Variants in SYT2 observed in about 807,000 individuals in gnomAD.
SYT2 encodes the protein synaptotagmin 2, also known as synaptotagmin-2.
SYT2 carries 15 observed loss-of-function variants against 39.9 expected under a neutral mutation model. The ratio of observed to expected loss-of-function variants is 0.38; its 90% CI spans 0.25 to 0.58. The LOEUF (loss-of-function observed/expected upper bound fraction) is 0.58, where lower values mean the gene tolerates loss of function less well. SYT2 is among the 20% of genes least tolerant of loss of function. The pLI, the probability that SYT2 is intolerant of heterozygous loss-of-function variation, is 0.70. For missense variants in SYT2, 389 were observed against 530.3 expected (o/e 0.73, Z 2.62); for synonymous variants, 181 against 204.5 (o/e 0.89, Z 0.98).
At chr1:202,641,696 CA>C (rs1166412970) in intron 1 of SYT2, among the ~76,000 whole-genome samples, 1 of 152,178 alleles carries the variant, frequency 6.6e-6, no homozygotes, top group Non-Finnish European at 1.5e-5. Flanking sequence ...TAAAACGAGA[CA>C]ATTCCTTCAG....
At chr1:202,644,344 C>G (rs1479463225) in intron 1 of SYT2, among the ~76,000 whole-genome samples, 3 of 152,172 alleles carry the variant, frequency 2.0e-5, no homozygotes, top group Non-Finnish European at 4.4e-5. Flanking sequence ...TCTGCTTTCT[C>G]CCACTTGGGA....
chr1:202,656,610 G>C (rs1023908989), intron 1 of SYT2, among the ~76,000 whole-genome samples: 2 of 152,172 alleles, frequency 1.3e-5, no homozygotes, highest in South Asian at 2.1e-4. Context: ...TGGCAAGGAT[G>C]GTGCGAAGCT....
chr1:202,626,407 T>TTG (rs1691412015), intron 1 of SYT2, among the ~76,000 whole-genome samples: 1 of 139,196 alleles, frequency 7.2e-6, no homozygotes, highest in African/African-American at 2.7e-5. Context: ...GCTTTTTTTT[T>TTG]TTTTTTTTTT....
chr1:202,709,859 G>A (rs981566246), intron 1 of SYT2, among the ~76,000 whole-genome samples: 1 of 152,136 alleles, frequency 6.6e-6, no homozygotes, highest in African/African-American at 2.4e-5. Context: ...CTTGGAGACC[G>A]CTAGGGCTGG....
At chr1:202,673,533 C>G (rs1166041646) in intron 1 of SYT2, among the ~76,000 whole-genome samples, 1 of 152,198 alleles carries the variant, frequency 6.6e-6, no homozygotes, top group African/African-American at 2.4e-5. Context: ...ATGGATGTTT[C>G]TGTGTCACGA....
chr1:202,625,029 G>A (rs1691340266), intron 1 of SYT2, among the ~76,000 whole-genome samples: 2 of 1,380 alleles, frequency 1.4e-3, no homozygotes, highest in South Asian at 0.067. Context: ...TAGGTTGTGT[G>A]TGTGGTGTGT....
chr1:202,670,628 G>A (rs370649095), intron 1 of SYT2, among the ~76,000 whole-genome samples: 9 of 152,198 alleles, frequency 5.9e-5, no homozygotes, highest in African/African-American at 1.9e-4. Context: ...GTTGCTGTGA[G>A]CATAACATGG....
chr1:202,616,243 C>A (rs1572626709), intron 1 of SYT2, among the ~76,000 whole-genome samples: 1 of 152,290 alleles, frequency 6.6e-6, no homozygotes, highest in East Asian at 1.9e-4. Flanking sequence ...AAACCACAGA[C>A]CTTTCCTCCT....
chr1:202,639,431 G>A, intron 1 of SYT2: 1 of 917,050 alleles, frequency 1.1e-6, no homozygotes, highest in Non-Finnish European at 1.3e-6. Flanking sequence ...TGGGCTTGGA[G>A]CTCCCCCTAA....
chr1:202,590,961 G>A lies in SYT2; in HGVS notation c.*5796C>T, dbSNP rs1436246307. The A allele has an allele frequency of 6.6e-6, 1 of 152,284 alleles. No homozygotes were observed. Among genetic ancestry groups the A allele is most frequent in the Non-Finnish European group, 1.5e-5 (1 of 68,128 alleles). The allele number at this position is 152,284 out of a possible 1,614,324, so 9.4% of individuals were successfully genotyped here. On this transcript the variant is annotated 3_prime_UTR_variant, in exon 9 of 9. Coordinates refer to ENST00000367268, the MANE Select transcript of SYT2 (RefSeq NM_177402.5). ...CCTGATCGCTAAGGCAGGTGGGATGGAGGAACTCCTGGTGCCCCATGCACA... is the reference window on the plus strand; with the variant it reads ...CCTGATCGCTAAGGCAGGTGGGATGAAGGAACTCCTGGTGCCCCATGCACA...
intron 1 of SYT2, among the ~76,000 whole-genome samples, chr1:202,635,586 AT>A (rs2149093428): frequency 6.6e-6 from 1 of 152,240 alleles, no homozygotes; most frequent in South Asian, 2.1e-4. Context: ...GTAAAATGAT[AT>A]TCAGGAAGAA....
intron 1 of SYT2, among the ~76,000 whole-genome samples, chr1:202,706,396 C>G (rs904877466): frequency 6.6e-6 from 1 of 152,030 alleles, no homozygotes; most frequent in Admixed American, 6.6e-5. Flanking sequence ...AAAAGGAGCA[C>G]GCAGGCCACC....
chr1:202,653,981 T>A (rs1413375911), intron 1 of SYT2, among the ~76,000 whole-genome samples: 1 of 152,136 alleles, frequency 6.6e-6, no homozygotes, highest in Non-Finnish European at 1.5e-5. Context: ...AGATGCAAAG[T>A]CTGAAGGTGG....
At chr1:202,624,154 C>A (rs961427342) in intron 1 of SYT2, among the ~76,000 whole-genome samples, 5 of 151,616 alleles carry the variant, frequency 3.3e-5, no homozygotes, top group African/African-American at 1.2e-4. Flanking sequence ...TGTGAGTGTG[C>A]ATATGTGGCG....
At chr1:202,606,626 T>C (rs1690717813) in intron 1 of SYT2, among the ~76,000 whole-genome samples, 2 of 152,164 alleles carry the variant, frequency 1.3e-5, no homozygotes, top group Admixed American at 6.5e-5. Flanking sequence ...TCTCCATCTC[T>C]AGCCCTTCCT....
intron 1 of SYT2, among the ~76,000 whole-genome samples, chr1:202,612,482 C>A (rs1207605160): frequency 6.6e-6 from 1 of 152,180 alleles, no homozygotes; most frequent in East Asian, 1.9e-4. Flanking sequence ...ATCCTCCCAC[C>A]TCAGCCTTCT....
chr1:202,647,176 G>T (rs567350534), intron 1 of SYT2, among the ~76,000 whole-genome samples: 3 of 152,096 alleles, frequency 2.0e-5, no homozygotes, highest in African/African-American at 7.2e-5. Flanking sequence ...CTAAAATAAA[G>T]GCCCCTTACC....
intron 1 of SYT2, among the ~76,000 whole-genome samples, chr1:202,625,622 A>T (rs1198885050): frequency 6.6e-6 from 1 of 151,932 alleles, no homozygotes; most frequent in Non-Finnish European, 1.5e-5. Context: ...TCCGTCCAGG[A>T]GGCTGCCGCC....
At chr1:202,608,668 T>A (rs1015458082) in intron 1 of SYT2, among the ~76,000 whole-genome samples, 2 of 152,262 alleles carry the variant, frequency 1.3e-5, no homozygotes, top group Non-Finnish European at 2.9e-5. Context: ...TAGCTAATAA[T>A]ATCCCACTTG....
Sources: gnomAD v4.1 joint callset for allele counts (sites outside exome capture counted in the v4.1 genomes callset) on GRCh38, gnomAD v4.1.1 for gene constraint, MANE v1.5 for transcripts, NCBI Gene and HGNC (gene_info 2026-07-23, HGNC 2026-07-21) for gene names.